The following PAK5 variants were observed in gnomAD, a reference collection of about 807,000 sequenced individuals.
PAK5 encodes the protein p21 (RAC1) activated kinase 5.
A neutral mutation model predicts 65.9 loss-of-function variants in PAK5; 16 were observed. That is an observed-to-expected ratio of 0.24 (90% CI 0.16 to 0.37). The LOEUF is 0.37. Ranked by LOEUF, PAK5 falls within the 10% of genes least tolerant of loss-of-function variation. PAK5 has a pLI of 1.00. For synonymous variants in PAK5, 371 were observed against 354.9 expected (o/e 1.05, Z -0.51); for missense variants, 785 against 903.9 (o/e 0.87, Z 1.69).
intron 3 of PAK5, among the ~76,000 whole-genome samples, chr20:9,618,805 T>C (rs2046710817): frequency 6.6e-6 from 1 of 150,588 alleles, no homozygotes; most frequent in Non-Finnish European, 1.5e-5. Context: ...AAAGCTGAGA[T>C]GAATCGATAT....
intron 4 of PAK5, chr20:9,575,461 T>C (rs1312539155): frequency 6.6e-6 from 1 of 152,182 alleles, no homozygotes. Flanking sequence ...GAACTTGCAT[T>C]TTTCTGTAAT....
At chr20:9,641,790 C>T (rs1303223505) in intron 3 of PAK5, among the ~76,000 whole-genome samples, 2 of 152,138 alleles carry the variant, frequency 1.3e-5, no homozygotes, top group Non-Finnish European at 2.9e-5. Flanking sequence ...TGGGCCGGCA[C>T]TGCTGGGGGA....
At chr20:9,682,374 C>CAAACAAAA (rs2047662268) in intron 2 of PAK5, among the ~76,000 whole-genome samples, 1 of 151,720 alleles carries the variant, frequency 6.6e-6, no homozygotes, top group African/African-American at 2.4e-5. Context: ...AACAAACAAA[C>CAAACAAAA]AAAAAAACCT....
Position 9,611,473 on chromosome 20 carries a change from C to T in PAK5, c.205-30543G>A, listed in dbSNP as rs186630381. On this transcript the variant is annotated intron_variant, in intron 3 of 9. Coordinates refer to ENST00000353224, the MANE Select transcript of PAK5 (RefSeq NM_177990.4). ...TTTTATATGTTTCCCCATGTGTTTA[C>T]CTTCCCACAATTTGCCACCCCAATC... 5.8e-4 allele frequency among the ~76,000 whole-genome samples: 88 copies of T among 152,278 alleles called. 2 individuals are homozygous for T. The highest frequency in any genetic ancestry group is 1.5e-3 in the African/African-American group (62 of 41,564).
Position 9,538,320 on chromosome 20 carries a change from A to T in PAK5, c.*1142T>A, listed in dbSNP as rs2045202745. Reference sequence around the variant, plus strand: ...AATTCATCCTCTAGAGTCAGTTCAGACTTCCAGCACGATACATGAACAATA... The same window carrying T: ...AATTCATCCTCTAGAGTCAGTTCAGTCTTCCAGCACGATACATGAACAATA... On this transcript the variant is annotated 3_prime_UTR_variant, in exon 10 of 10. Transcript: ENST00000353224. 2 of 233,582 alleles carry T rather than the reference A, an allele frequency of 8.6e-6. No individual in the cohort carries two copies. Among genetic ancestry groups the T allele is most frequent in the African/African-American group, 2.2e-5 (1 of 45,354 alleles). 14.5% of individuals were successfully genotyped at this position (233,582 alleles called of 1,614,324 possible). A position where few individuals can be genotyped will look rare whatever the true frequency, so the allele number is the denominator to read the frequency against.
Position 9,621,405 on chromosome 20 carries a change from T to TAAA in PAK5, c.204+22717_204+22719dup, listed in dbSNP as rs33927046. On this transcript the variant is annotated intron_variant, in intron 3 of 9. Coordinates refer to ENST00000353224, the MANE Select transcript of PAK5 (RefSeq NM_177990.4). ...TCATTAAGTTCAGGGCAGGACTGAT[T>TAAA]AAAAAAAAAAAAAAAAAAGACACAC... Among the ~76,000 whole-genome samples, 8 of 118,128 alleles carry TAAA rather than the reference T, an allele frequency of 6.8e-5. No individual in the cohort carries two copies. The South Asian group carries it at 1.6e-3, about 23-fold the overall frequency. 77.5% of individuals were successfully genotyped at this position (118,128 alleles called of 152,430 possible).
intron 1 of PAK5, among the ~76,000 whole-genome samples, chr20:9,733,708 G>A (rs936326062): frequency 2.6e-5 from 4 of 152,100 alleles, no homozygotes; most frequent in South Asian, 4.1e-4. Flanking sequence ...TCCTCCCAAA[G>A]TGCTGGGATT....
intron 7 of PAK5, among the ~76,000 whole-genome samples, chr20:9,545,271 A>G (rs2045327100): frequency 1.3e-5 from 2 of 152,202 alleles, no homozygotes; most frequent in South Asian, 4.1e-4. Flanking sequence ...TGTACTCTTA[A>G]GAACATACTG....
At chr20:9,722,594 C>T in intron 1 of PAK5, among the ~76,000 whole-genome samples, 1 of 151,840 alleles carries the variant, frequency 6.6e-6, no homozygotes, top group Admixed American at 6.6e-5. Context: ...CCTGGGGGGA[C>T]AGAGCGAGAC....
At chr20:9,756,040 T>C (rs2048629989) in intron 1 of PAK5, among the ~76,000 whole-genome samples, 2 of 152,134 alleles carry the variant, frequency 1.3e-5, no homozygotes, top group African/African-American at 4.8e-5. Context: ...GGGCCTGTGC[T>C]GGCCCACAGG....
Position 9,639,662 on chromosome 20 carries a change from T to G in PAK5, c.204+4463A>C, listed in dbSNP as rs1266053047. Among the ~76,000 whole-genome samples, 4 of 152,398 alleles carry G rather than the reference T, an allele frequency of 2.6e-5. No individual in the cohort carries two copies. In the East Asian group the frequency reaches 5.8e-4, roughly 22 times the overall value. On this transcript the variant is annotated intron_variant, in intron 3 of 9. Coordinates refer to ENST00000353224, the MANE Select transcript of PAK5 (RefSeq NM_177990.4). The stretch of plus-strand genomic sequence containing the variant: ...AGTGTCTATAACTAATATTTTAGTC[T>G]TTTCATTTCATATGGACTGAATGCT...
chr20:9,754,298 C>T (rs1021815955), intron 1 of PAK5, among the ~76,000 whole-genome samples: 1 of 152,028 alleles, frequency 6.6e-6, no homozygotes, highest in Non-Finnish European at 1.5e-5. Context: ...TTGGTCTCCC[C>T]CAGAATTTGG....
At chr20:9,715,716 A>G (rs915711559) in intron 1 of PAK5, among the ~76,000 whole-genome samples, 4 of 152,106 alleles carry the variant, frequency 2.6e-5, no homozygotes, top group Non-Finnish European at 5.9e-5. Flanking sequence ...CTATGCAGCC[A>G]TAAAAAAGGA....
rs112377384 is a variant in PAK5 at position 9,580,996 on chromosome 20, C to A, written c.205-66G>T. 184 of 1,136,346 alleles carry A rather than the reference C, an allele frequency of 1.6e-4. 1 individual carries two copies. In the African/African-American group the frequency reaches 1.9e-3, roughly 12 times the overall value. 70.4% of individuals were successfully genotyped at this position (1,136,346 alleles called of 1,614,324 possible). A position where few individuals can be genotyped will look rare whatever the true frequency, so the allele number is the denominator to read the frequency against. ...CATGGATTTAAATTGATGGTGGCAT[C>A]CCACCCCCACTCCATCCAAATTAAA... On this transcript the variant is annotated intron_variant, in intron 3 of 9. Coordinates refer to ENST00000353224, the MANE Select transcript of PAK5 (RefSeq NM_177990.4).
At chr20:9,790,651 G>A (rs1047079126) in intron 1 of PAK5, among the ~76,000 whole-genome samples, 7 of 152,028 alleles carry the variant, frequency 4.6e-5, no homozygotes, top group Admixed American at 2.0e-4. Flanking sequence ...GACTACAGGT[G>A]TACAACACAA....
At chr20:9,637,365 T>C (rs545873073) in intron 3 of PAK5, among the ~76,000 whole-genome samples, 3 of 152,132 alleles carry the variant, frequency 2.0e-5, no homozygotes, top group Non-Finnish European at 4.4e-5. Flanking sequence ...AATGACATTA[T>C]CACATGTAAT....
intron 1 of PAK5, among the ~76,000 whole-genome samples, chr20:9,809,400 C>T (rs1283512609): frequency 7.5e-6 from 1 of 133,422 alleles, no homozygotes; most frequent in Non-Finnish European, 1.6e-5. Flanking sequence ...TTGGGAATAA[C>T]TTGGTGTTTA....
chr20:9,556,417 C>A (rs2122950057), intron 7 of PAK5, among the ~76,000 whole-genome samples: 2 of 152,316 alleles, frequency 1.3e-5, no homozygotes, highest in East Asian at 3.9e-4. Context: ...TGGACAGTTT[C>A]TTCTGGCTGC....
chr20:9,825,496 T>C (rs745796096), intron 1 of PAK5, among the ~76,000 whole-genome samples: 3 of 152,198 alleles, frequency 2.0e-5, no homozygotes, highest in Non-Finnish European at 4.4e-5. Context: ...TAATATCATA[T>C]GAAATATGAT....
Sources: allele counts gnomAD v4.1 joint callset (sites outside exome capture counted in the v4.1 genomes callset), GRCh38; gene constraint gnomAD v4.1.1; transcripts MANE v1.5; gene names NCBI Gene and HGNC (gene_info 2026-07-23, HGNC 2026-07-21).